Variants in PPARG observed in about 807,000 individuals in gnomAD.
PPARG encodes peroxisome proliferator activated receptor gamma, also known as peroxisome proliferator-activated receptor gamma.
A neutral mutation model predicts 39.2 loss-of-function variants in PPARG; 17 were observed. The ratio of observed to expected loss-of-function variants is 0.43; its 90% CI spans 0.30 to 0.65. The LOEUF (loss-of-function observed/expected upper bound fraction) is 0.65. Among genes scored for constraint, PPARG ranks in the 30% least tolerant of loss-of-function variants. The pLI is 0.13. For synonymous variants in PPARG, 223 were observed against 215.7 expected (o/e 1.03, Z -0.30); for missense variants, 406 against 585.9 (o/e 0.69, Z 3.17).
At chr3:12,392,794 A>G (rs984931705) in intron 5 of PPARG, 42 bp downstream of exon 5, 41 of 1,611,626 alleles carry the variant, frequency 2.5e-5, no homozygotes, top group Middle Eastern at 1.7e-4. Context: ...TATTCTCATT[A>G]TAGCTGCCAG....
chr3:12,295,192 T>G (rs2046748571), intron 1 of PPARG, among the ~76,000 whole-genome samples: 1 of 152,218 alleles, frequency 6.6e-6, no homozygotes, highest in South Asian at 2.1e-4. Flanking sequence ...TTCCGTCAGT[T>G]GATAATTACC....
intron 2 of PPARG, among the ~76,000 whole-genome samples, chr3:12,358,048 C>A (rs1335369929): frequency 6.6e-6 from 1 of 152,148 alleles, no homozygotes; most frequent in Admixed American, 6.5e-5. Flanking sequence ...CTAATATAAA[C>A]AAACCAAGTA....
intron 2 of PPARG, among the ~76,000 whole-genome samples, chr3:12,350,248 G>T (rs912109345): frequency 6.6e-6 from 1 of 152,104 alleles, no homozygotes; most frequent in African/African-American, 2.4e-5. Context: ...GCTTTAACTT[G>T]GATTGCCTTA....
At chr3:12,390,665 A>AT (rs757580044) in intron 4 of PPARG, among the ~76,000 whole-genome samples, 217 of 115,772 alleles carry the variant, frequency 1.9e-3, no homozygotes, top group Middle Eastern at 5.9e-3. Flanking sequence ...TTTTGAGACA[A>AT]TGTCTCACTC....
chr3:12,408,417 A>G (rs1243347937), intron 6 of PPARG, among the ~76,000 whole-genome samples: 6 of 152,210 alleles, frequency 3.9e-5, no homozygotes, highest in Non-Finnish European at 2.9e-5. Flanking sequence ...TAGCAAATCA[A>G]AAATAAATGA....
chr3:12,410,941 A>G (rs2050860830), intron 6 of PPARG, among the ~76,000 whole-genome samples: 1 of 152,214 alleles, frequency 6.6e-6, no homozygotes, highest in African/African-American at 2.4e-5. Flanking sequence ...GAAAGACATC[A>G]GGCAGAATCC....
intron 2 of PPARG, among the ~76,000 whole-genome samples, chr3:12,326,561 G>A (rs897798774): frequency 5.3e-5 from 8 of 152,106 alleles, no homozygotes; most frequent in African/African-American, 1.9e-4. Context: ...GTCACTCATT[G>A]TTTTCATCTT....
intron 2 of PPARG, among the ~76,000 whole-genome samples, chr3:12,340,330 G>A (rs2048147440): frequency 6.6e-6 from 1 of 152,160 alleles, no homozygotes; most frequent in Non-Finnish European, 1.5e-5. Flanking sequence ...CAGAGTTGCT[G>A]TAGGCATTTT....
At chr3:12,351,893 T>G (rs1363941582) in intron 2 of PPARG, among the ~76,000 whole-genome samples, 1 of 152,240 alleles carries the variant, frequency 6.6e-6, no homozygotes, top group African/African-American at 2.4e-5. Flanking sequence ...TCTCTGTGCA[T>G]GGCTCCCATT....
At chr3:12,413,642 A>T (rs1400993666) in intron 6 of PPARG, among the ~76,000 whole-genome samples, 1 of 151,746 alleles carries the variant, frequency 6.6e-6, no homozygotes, top group Non-Finnish European at 1.5e-5. Flanking sequence ...AACCCCGTCT[A>T]TACTAAAAAA....
chr3:12,367,735 G>A (rs1243749552), intron 2 of PPARG, among the ~76,000 whole-genome samples: 1 of 151,512 alleles, frequency 6.6e-6, no homozygotes, highest in Non-Finnish European at 1.5e-5. Context: ...TTAGATGAAT[G>A]TGGTGGTGAA....
chr3:12,395,791 A>T (rs2050236622), intron 5 of PPARG, among the ~76,000 whole-genome samples: 1 of 152,208 alleles, frequency 6.6e-6, no homozygotes, highest in Non-Finnish European at 1.5e-5. Context: ...TTCCTGAGTC[A>T]TCTCAAGCAC....
At chr3:12,381,196 TCCAC>T in intron 3 of PPARG, 122 bp from the exon 4 acceptor site, 1 of 970,724 alleles carries the variant, frequency 1.0e-6, no homozygotes, top group Non-Finnish European at 1.6e-6. Context: ...TTTTTCATGT[TCCAC>T]TGTGCTTTTA....
At chr3:12,316,886 A>C (rs1196609960) in intron 2 of PPARG, among the ~76,000 whole-genome samples, 2 of 152,170 alleles carry the variant, frequency 1.3e-5, no homozygotes, top group East Asian at 3.9e-4. Context: ...TTTATAACTA[A>C]GACAAATGAA....
chr3:12,331,020 A>G (rs2125047040), intron 2 of PPARG, among the ~76,000 whole-genome samples: 1 of 152,324 alleles, frequency 6.6e-6, no homozygotes, highest in Admixed American at 6.5e-5. Context: ...GTTTTCTTAC[A>G]TTAGTAAGAT....
intron 2 of PPARG, chr3:12,371,739 G>A (rs956016437): frequency 3.8e-5 from 19 of 502,522 alleles, no homozygotes; most frequent in Non-Finnish European, 6.8e-5. Context: ...CTGGGCTCCC[G>A]TCCAGTCAGC....
chr3:12,400,754 T>C (rs1279227166), intron 5 of PPARG, among the ~76,000 whole-genome samples: 3 of 152,232 alleles, frequency 2.0e-5, no homozygotes, highest in Non-Finnish European at 2.9e-5. Context: ...TCTTGAGTAC[T>C]ATGTAGACAT....
At chr3:12,327,836 A>G (rs2047737865) in intron 2 of PPARG, among the ~76,000 whole-genome samples, 1 of 152,224 alleles carries the variant, frequency 6.6e-6, no homozygotes, top group Non-Finnish European at 1.5e-5. Context: ...GTTGAAATTT[A>G]TGAGTGTCCT....
At chr3:12,424,943 A>G (rs913393871) in intron 7 of PPARG, among the ~76,000 whole-genome samples, 3 of 152,188 alleles carry the variant, frequency 2.0e-5, no homozygotes, top group African/African-American at 7.2e-5. Context: ...AATAAATGCT[A>G]ATTTTCCCTT....
Sources: allele counts gnomAD v4.1 joint callset (sites outside exome capture counted in the v4.1 genomes callset), GRCh38; gene constraint gnomAD v4.1.1; transcripts MANE v1.5; gene names NCBI Gene and HGNC (gene_info 2026-07-23, HGNC 2026-07-21).